MIS18A: variants seen among roughly 807,000 people sequenced by gnomAD.
MIS18A encodes protein Mis18-alpha.
MIS18A carries 14 observed loss-of-function variants against 25.0 expected under a neutral mutation model. The ratio of observed to expected loss-of-function variants is 0.56; its 90% CI spans 0.37 to 0.88. The LOEUF is 0.88. MIS18A is among the 40% of genes least tolerant of loss of function. The pLI, the probability that MIS18A is intolerant of heterozygous loss-of-function variation, is 0.00. For synonymous variants in MIS18A, 134 were observed against 118.6 expected, an observed-to-expected ratio of 1.13 and a Z score of -0.84; for missense variants, 292 against 290.8, an observed-to-expected ratio of 1.00 and a Z score of -0.03.
chr21:32,278,938 C>T lies in MIS18A; in HGVS notation c.77G>A (p.Ser26Asn). 6.2e-7 allele frequency: 1 copy of T among 1,613,416 alleles called. No homozygotes were observed. Among genetic ancestry groups the T allele is most frequent in the South Asian group, 1.1e-5 (1 of 91,090 alleles). Residue 26 changes from serine (S) to asparagine (N), a missense_variant, in exon 1 of 5, where the codon AGC (serine) becomes AAC (asparagine). Transcript: ENST00000290130. ...TCTCTTGCCCAACAGCGAGGAGTCGCTGCATTTGCCCTTGTCGCCGCACTC... is the reference window on the plus strand; with the variant it reads ...TCTCTTGCCCAACAGCGAGGAGTCGTTGCATTTGCCCTTGTCGCCGCACTC... The part of the protein sequence containing the change: ...GCECGDKGKC[S>N]DSSLLGKRLS...
the MIS18A span, among the ~76,000 whole-genome samples, chr21:32,160,024 T>C: frequency 6.6e-6 from 1 of 152,170 alleles, no homozygotes; most frequent in Admixed American, 6.5e-5. Flanking sequence ...GGATTCTCTA[T>C]AGAATGTGGA....
chr21:32,177,680 A>G, the MIS18A span, among the ~76,000 whole-genome samples: 118 of 152,238 alleles, frequency 7.8e-4, no homozygotes, highest in Non-Finnish European at 1.2e-3. Context: ...AGCATTTACA[A>G]TAGCACGGAA....
At chr21:32,186,105 C>A in the MIS18A span, among the ~76,000 whole-genome samples, 1 of 152,148 alleles carries the variant, frequency 6.6e-6, no homozygotes, top group African/African-American at 2.4e-5. Flanking sequence ...CAGCCCTAGA[C>A]AATGTGAAGG....
intron 3 of MIS18A, 145 bp downstream of exon 3, chr21:32,270,262 C>CAAA (rs11397095): frequency 7.3e-4 from 574 of 781,938 alleles, no homozygotes; most frequent in Non-Finnish European, 8.4e-4. Context: ...GAGGTCAAAG[C>CAAA]AAAAAAAAAA....
the MIS18A span, among the ~76,000 whole-genome samples, chr21:32,251,003 T>C: frequency 1.3e-5 from 2 of 152,188 alleles, no homozygotes; most frequent in Admixed American, 1.3e-4. Flanking sequence ...TGAGATCTGA[T>C]GGTTTTATAA....
the MIS18A span, among the ~76,000 whole-genome samples, chr21:32,210,373 T>C: frequency 6.6e-5 from 10 of 152,148 alleles, no homozygotes; most frequent in Non-Finnish European, 1.3e-4. Flanking sequence ...CTCATCAGTA[T>C]TGGAAATTAC....
chr21:32,185,824 TCA>T, the MIS18A span, among the ~76,000 whole-genome samples: 1 of 152,116 alleles, frequency 6.6e-6, no homozygotes, highest in African/African-American at 2.4e-5. Context: ...CCCTCTGAAC[TCA>T]CAGTTCCTGG....
chr21:32,278,651 G>A (rs2031865064), intron 1 of MIS18A, 30 bp downstream of exon 1: 2 of 1,471,280 alleles, frequency 1.4e-6, no homozygotes, highest in African/African-American at 1.4e-5. Flanking sequence ...GCGACCCCAC[G>A]CCCCCCCTGC....
chr21:32,232,201 T>A, the MIS18A span, among the ~76,000 whole-genome samples: 1 of 151,994 alleles, frequency 6.6e-6, no homozygotes, highest in African/African-American at 2.4e-5. Flanking sequence ...TCTGAGCAAA[T>A]ATACCATGAA....
At chr21:32,177,007 A>G in the MIS18A span, among the ~76,000 whole-genome samples, 89,617 of 151,418 alleles carry the variant, frequency 0.59, 27,296 homozygotes, top group African/African-American at 0.74. Context: ...AAGAGAGAGA[A>G]AAAAAATTTC....
chr21:32,172,714 C>A, the MIS18A span, among the ~76,000 whole-genome samples: 1 of 151,808 alleles, frequency 6.6e-6, no homozygotes, highest in Admixed American at 6.6e-5. Context: ...CAAATCCCAG[C>A]CTCAAAACTT....
the MIS18A span, among the ~76,000 whole-genome samples, chr21:32,177,537 T>C: frequency 6.6e-6 from 1 of 152,202 alleles, no homozygotes; most frequent in East Asian, 1.9e-4. Flanking sequence ...AACATAATTG[T>C]ATGTATAAAA....
At chr21:32,198,017 A>G in the MIS18A span, among the ~76,000 whole-genome samples, 1 of 152,250 alleles carries the variant, frequency 6.6e-6, no homozygotes, top group Non-Finnish European at 1.5e-5. Flanking sequence ...GGTGTCAAGC[A>G]TTATCTAATA....
chr21:32,174,002 G>C, the MIS18A span, among the ~76,000 whole-genome samples: 2 of 119,364 alleles, frequency 1.7e-5, no homozygotes, highest in South Asian at 2.7e-4. Flanking sequence ...GTCTCACTCT[G>C]TTACCAGGCT....
the MIS18A span, among the ~76,000 whole-genome samples, chr21:32,212,174 C>T: frequency 0.012 from 1,766 of 152,220 alleles, 33 homozygotes; most frequent in African/African-American, 0.039. Context: ...ACCCAGTATG[C>T]TTTTTATTTG....
At chr21:32,252,203 GAGAAGA>G in the MIS18A span, among the ~76,000 whole-genome samples, 616 of 119,224 alleles carry the variant, frequency 5.2e-3, 7 homozygotes, top group African/African-American at 0.013. Context: ...GGAAGAGGAG[GAGAAGA>G]AGAAGAAGAA....
the MIS18A span, among the ~76,000 whole-genome samples, chr21:32,163,027 C>T: frequency 2.6e-5 from 4 of 152,288 alleles, no homozygotes; most frequent in East Asian, 7.7e-4. Flanking sequence ...AAAGAAAACA[C>T]AGGAAAAGTC....
chr21:32,246,143 C>A, the MIS18A span, among the ~76,000 whole-genome samples: 1 of 152,180 alleles, frequency 6.6e-6, no homozygotes, highest in Non-Finnish European at 1.5e-5. Context: ...CCAAACTATT[C>A]ATGAGAAATC....
the MIS18A span, among the ~76,000 whole-genome samples, chr21:32,162,788 G>A: frequency 2.6e-5 from 4 of 152,238 alleles, no homozygotes; most frequent in Admixed American, 2.0e-4. Context: ...AAGCAGGAAC[G>A]TACAGCTCCC....
Sources: gnomAD v4.1 joint callset for allele counts (sites outside exome capture counted in the v4.1 genomes callset) on GRCh38, gnomAD v4.1.1 for gene constraint, MANE v1.5 for transcripts, NCBI Gene and HGNC (gene_info 2026-07-23, HGNC 2026-07-21) for gene names.